IWS1: variants seen among roughly 807,000 people sequenced by gnomAD.
IWS1 encodes protein IWS1 homolog.
Under a neutral mutation model 86.7 loss-of-function variants are expected in IWS1, and 27 were observed. The observed-to-expected ratio is 0.31, with a 90% CI of 0.23 to 0.43. IWS1 has a LOEUF of 0.43. IWS1 is among the 20% of genes least tolerant of loss of function. The probability of loss-of-function intolerance (pLI) is 1.00; values close to 1 mark genes in which losing one functional copy is unlikely to be tolerated. For missense variants in IWS1, 827 were observed against 1,000.8 expected (o/e 0.83, Z 2.34); for synonymous variants, 313 against 335.1 (o/e 0.93, Z 0.72).
rs140985210 is a variant in IWS1, at chr2:127,496,087, G to A, written c.1627C>T (p.Arg543Cys). ...LQRKKSMSGKRRRNRDGGTFI... is the reference protein window; with the variant it reads ...LQRKKSMSGKCRRNRDGGTFI... ...GTGCCACCATCGCGGTTCCGTCTGC[G>A]CTTGCCACTCATGCTCTTTTTTCGC... is the stretch of plus-strand genomic sequence containing the variant. Residue 543 changes from arginine (R) to cysteine (C), a missense_variant, in exon 7 of 14, where the codon CGC becomes TGC. Transcript: ENST00000295321. 23 of 1,613,834 alleles carry A rather than the reference G, an allele frequency of 1.4e-5. No homozygotes were observed. The African/African-American group carries it at 1.6e-4, about 11-fold the overall frequency.
rs1691121905 is a variant in IWS1 at position 127,505,867 on chromosome 2, A to G, written c.151-115T>C. 1.5e-6 allele frequency: 1 copy of G among 689,000 alleles called. No individual in the cohort carries two copies. The highest frequency in any genetic ancestry group is 1.8e-5 in the African/African-American group (1 of 55,622). The allele number at this position is 689,000 out of a possible 1,614,324, so 42.7% of individuals were successfully genotyped here. ...AAAATACAGGATTATGTGCACCTAAATGGAGAATTCTTGTCCTATACCCAT... is the reference window on the plus strand; with the variant it reads ...AAAATACAGGATTATGTGCACCTAAGTGGAGAATTCTTGTCCTATACCCAT... On this transcript the variant is annotated intron_variant, in intron 2 of 13. Transcript: ENST00000295321. This position sits in a 1 kb window ranked among gnomAD's most constrained non-coding sequence, Gnocchi z 5.0.
In IWS1 at chr2:127,523,803, C is replaced by A. The variant is rs747071189; in HGVS notation, c.35-12G>T. The stretch of plus-strand genomic sequence containing the variant: ...AGCACCACCATCATCTGATTAAAAA[C>A]AAAACAAAAACCAACTTATGGTGTA... On this transcript the variant is annotated splice_polypyrimidine_tract_variant and intron_variant, in intron 1 of 13. Transcript: ENST00000295321. The A allele has an allele frequency of 1.3e-6, 2 of 1,589,400 alleles. No individual in the cohort carries two copies. Among genetic ancestry groups the A allele is most frequent in the East Asian group, 2.2e-5 (1 of 44,696 alleles).
intron 9 of IWS1, chr2:127,492,917 C>T (rs1464652824): frequency 6.3e-6 from 1 of 158,748 alleles, no homozygotes; most frequent in Non-Finnish European, 1.4e-5. Context: ...AAATAGCTTA[C>T]CCAAGGTGTC....
At chr2:127,519,593 A>G (rs987610393) in intron 2 of IWS1, among the ~76,000 whole-genome samples, 2 of 152,106 alleles carry the variant, frequency 1.3e-5, no homozygotes, top group African/African-American at 4.8e-5. Flanking sequence ...AAAAAATACC[A>G]TTATTGGGAA....
intron 1 of IWS1, 53 bp downstream of exon 1, chr2:127,526,122 C>G: frequency 3.2e-6 from 5 of 1,546,464 alleles, no homozygotes; most frequent in Non-Finnish European, 4.4e-6. Flanking sequence ...AGGCCAAGCC[C>G]CGCCGAGTAA....
intron 2 of IWS1, among the ~76,000 whole-genome samples, chr2:127,518,773 T>C (rs1040089094): frequency 1.3e-5 from 2 of 152,046 alleles, no homozygotes; most frequent in African/African-American, 4.8e-5. Flanking sequence ...CACCACCACG[T>C]TGGCCAGGCT....
Position 127,526,203 on chromosome 2 carries a change from G to C in IWS1, c.6C>G (p.Asp2Glu), listed in dbSNP as rs375620020. Reference sequence around the variant, plus strand: ...ACTGGTCGCCGCTGTAATATTCCGAGTCCATGGCAGGCGGACTCTCAGCGG... The same window carrying C: ...ACTGGTCGCCGCTGTAATATTCCGACTCCATGGCAGGCGGACTCTCAGCGG... M[D>E]SEYYSGDQSD... Residue 2 changes from aspartate (D) to glutamate (E), a missense_variant, in exon 1 of 14, where the codon GAC becomes GAG. Around this residue, in one of 2 missense-constraint regions of IWS1, gnomAD observed 548 missense variants for 560.2 expected, o/e 0.98. Transcript: ENST00000295321. 2.1e-5 allele frequency: 33 copies of C among 1,589,196 alleles called. No individual in the cohort carries two copies. The African/African-American group carries it at 3.1e-4, about 15-fold the overall frequency.
chr2:127,504,995 TCA>T lies in IWS1; in HGVS notation c.906_907del (p.Ser304Ter). The T allele has an allele frequency of 6.2e-7, 1 of 1,613,970 alleles. No individual in the cohort carries two copies. The highest frequency in any genetic ancestry group is 8.5e-7 in the Non-Finnish European group (1 of 1,179,974). On this transcript the variant is annotated frameshift_variant, in exon 3 of 14. Transcript: ENST00000295321. LOFTEE classifies it high-confidence loss of function. ...AGGCCCCTTCTGAGGCCCCTCACTC[TCA>T]GAGTCACTGACTCGGGGTTTGGGTA... is the stretch of plus-strand genomic sequence containing the variant.
intron 8 of IWS1, chr2:127,494,633 T>G: frequency 3.2e-6 from 1 of 311,340 alleles, no homozygotes; most frequent in Non-Finnish European, 5.8e-6. Flanking sequence ...AAACACAAAA[T>G]TAGTAGTTTC....
intron 6 of IWS1, 142 bp from the exon 7 acceptor site, chr2:127,496,290 C>T (rs1356026918): frequency 5.0e-5 from 44 of 878,946 alleles, no homozygotes; most frequent in Middle Eastern, 3.0e-4. Context: ...TACAGTCATG[C>T]GCCGCATAAC....
In IWS1 at chr2:127,505,894, T is replaced by A. The variant is rs527743020; in HGVS notation, c.151-142A>T. 2 of 558,086 alleles carry A rather than the reference T, an allele frequency of 3.6e-6. No homozygotes were observed. Among genetic ancestry groups the A allele is most frequent in the Non-Finnish European group, 6.1e-6 (2 of 329,616 alleles). 34.6% of individuals were successfully genotyped at this position (558,086 alleles called of 1,614,324 possible). On this transcript the variant is annotated intron_variant, in intron 2 of 13. Coordinates refer to ENST00000295321, the MANE Select transcript of IWS1 (RefSeq NM_017969.3). This position sits in a 1 kb window ranked among gnomAD's most constrained non-coding sequence, Gnocchi z 5.0. ...GGAGAATTCTTGTCCTATACCCATA[T>A]AGAAACACCCCCACAGAAAGCCAAT...
upstream of IWS1, among the ~76,000 whole-genome samples, chr2:127,527,304 A>T (rs1008171485): frequency 1.3e-5 from 2 of 152,168 alleles, no homozygotes; most frequent in African/African-American, 4.8e-5. Context: ...ATTCCCGCTG[A>T]TGATATCGAG....
At position 127,505,768 on chromosome 2, in the gene IWS1, A is replaced by C; in HGVS notation, c.151-16T>G. The C allele has an allele frequency of 6.9e-7, 1 of 1,443,462 alleles. No homozygotes were observed. The highest frequency in any genetic ancestry group is 1.4e-5 in the African/African-American group (1 of 69,578). The allele number at this position is 1,443,462 out of a possible 1,614,324, so 89.4% of individuals were successfully genotyped here. On this transcript the variant is annotated splice_polypyrimidine_tract_variant and intron_variant, in intron 2 of 13. Coordinates refer to ENST00000295321, the MANE Select transcript of IWS1 (RefSeq NM_017969.3). The surrounding 1 kb of genome is among the most constrained non-coding windows in gnomAD (Gnocchi z 5.0). The stretch of plus-strand genomic sequence containing the variant: ...TAGTTTCATTCTGAAAAATAAAGTG[A>C]GAAAAAATTAGGAAAGTGCAAAAAA...
intron 13 of IWS1, among the ~76,000 whole-genome samples, chr2:127,484,291 G>A (rs777562): frequency 0.15 from 23,089 of 152,110 alleles, 3,210 homozygotes; most frequent in African/African-American, 0.36. Flanking sequence ...CAGCCTGGGC[G>A]ACAGAGTGAG....
intron 13 of IWS1, among the ~76,000 whole-genome samples, chr2:127,483,879 A>G (rs1238380002): frequency 1.3e-5 from 2 of 152,186 alleles, no homozygotes; most frequent in Non-Finnish European, 2.9e-5. Context: ...CGTTATCAGT[A>G]GAAAAAAGAC....
rs753589117 is a variant in IWS1 at position 127,486,673 on chromosome 2, G to C, written c.2217-9C>G. 3 of 1,607,444 alleles carry C rather than the reference G, an allele frequency of 1.9e-6. No individual in the cohort carries two copies. Among genetic ancestry groups the C allele is most frequent in the South Asian group, 2.2e-5 (2 of 90,920 alleles). ...CTCCAGGTCTAAGAGCCCTGAAAAA[G>C]GGAAGAGGAAGAGCATGCTTCTTAT... On this transcript the variant is annotated splice_polypyrimidine_tract_variant and intron_variant, in intron 12 of 13. Coordinates refer to ENST00000295321, the MANE Select transcript of IWS1 (RefSeq NM_017969.3).
intron 2 of IWS1, among the ~76,000 whole-genome samples, chr2:127,516,885 AACAAACCCTG>A (rs60387538): frequency 0.14 from 20,609 of 152,088 alleles, 1,681 homozygotes; most frequent in South Asian, 0.3. Context: ...TAGGCCCTAA[AACAAACCCTG>A]ACAAATTTAA....
In IWS1 at chr2:127,493,364, T is replaced by C; in HGVS notation, c.1846A>G (p.Ile616Val). 3 of 1,613,610 alleles carry C rather than the reference T, an allele frequency of 1.9e-6. No homozygotes were observed. Among genetic ancestry groups the C allele is most frequent in the Non-Finnish European group, 1.7e-6 (2 of 1,179,850 alleles). Residue 616 changes from isoleucine (I) to valine (V), a missense_variant, in exon 9 of 14, where the codon ATC becomes GTC. Coordinates refer to ENST00000295321, the MANE Select transcript of IWS1 (RefSeq NM_017969.3). ...GGTAGAGGTGAGAGCCATTCTTTGA[T>C]GGCAGACATCACACCACTGTCAATG... ...TFIDSGVMSA[I>V]KEWLSPLPDR...
intron 2 of IWS1, among the ~76,000 whole-genome samples, chr2:127,517,077 A>G (rs1691815669): frequency 1.3e-5 from 2 of 152,214 alleles, no homozygotes; most frequent in Admixed American, 1.3e-4. Flanking sequence ...GTATACACGG[A>G]AAACTATAAA....
Sources: gnomAD v4.1 joint callset for allele counts (sites outside exome capture counted in the v4.1 genomes callset) on GRCh38, gnomAD v4.1.1 for gene constraint, gnomAD v4.1.1 regional missense constraint, Gnocchi (gnomAD v3.1) non-coding constraint, MANE v1.5 for transcripts, NCBI Gene and HGNC (gene_info 2026-07-23, HGNC 2026-07-21) for gene names.